DMD: variants seen among roughly 807,000 people sequenced by gnomAD.
DMD encodes mutant dystrophin.
Under a neutral mutation model 330.1 loss-of-function variants are expected in DMD, and 63 were observed. The observed-to-expected ratio is 0.19, with a 90% CI of 0.16 to 0.24. The LOEUF (loss-of-function observed/expected upper bound fraction) is 0.24. DMD is among the 10% of genes least tolerant of loss of function. DMD has a pLI of 1.00. For missense variants in DMD, 3,344 were observed against 2,684.1 expected (o/e 1.25, Z -5.43); for synonymous variants, 1,223 against 959.8 (o/e 1.27, Z -5.07).
intron 7 of DMD, among the ~76,000 whole-genome samples, chrX:32,752,811 C>T (rs1372909209): frequency 1.8e-5 from 2 of 109,725 alleles, no homozygotes; most frequent in Admixed American, 9.8e-5. Context: ...GTGAAAGTCT[C>T]ACGAGATCTG....
chrX:32,835,140 T>G (rs2079503811), intron 4 of DMD, among the ~76,000 whole-genome samples: 1 of 111,858 alleles, frequency 8.9e-6, no homozygotes. Flanking sequence ...CAAGGAAAGT[T>G]TAAATTACCC....
At chrX:31,627,588 C>T in intron 55 of DMD, 85 bp downstream of exon 55, 8 of 1,039,209 alleles carry the variant, frequency 7.7e-6, no homozygotes, top group South Asian at 2.0e-5. Flanking sequence ...TTTGTTTTGT[C>T]CCTGGCTTGT....
intron 44 of DMD, among the ~76,000 whole-genome samples, chrX:32,164,784 G>T (rs745897174): frequency 1.1e-5 from 1 of 94,153 alleles, no homozygotes; most frequent in Non-Finnish European, 2.0e-5. Flanking sequence ...AAATGGTTTC[G>T]TGGACCAGGT....
chrX:31,180,661 C>T lies in DMD; in HGVS notation c.9975-180G>A, dbSNP rs141819499. ...TTTTTCCGGTGCCTCTCCTACAGTA[C>T]CAAAACATTTTGGCAGAAAGATTAT... On this transcript the variant is annotated intron_variant, in intron 68 of 78. Coordinates refer to ENST00000357033, the MANE Select transcript of DMD (RefSeq NM_004006.3). Among the ~76,000 whole-genome samples the T allele has an allele frequency of 4.3e-3, 475 of 111,429 alleles. 1 individual carries two copies. Among genetic ancestry groups the T allele is most frequent in the African/African-American group, 0.015 (449 of 30,655 alleles).
chrX:31,430,793 C>CTTTT lies in DMD; in HGVS notation c.9084+13684_9084+13687dup, dbSNP rs565087970. Among the ~76,000 whole-genome samples the CTTTT allele has an allele frequency of 3.7e-4, 18 of 48,336 alleles. 1 individual carries two copies. The highest frequency in any genetic ancestry group is 5.7e-4 in the Non-Finnish European group (16 of 28,192). 42.0% of individuals were successfully genotyped at this position (48,336 alleles called of 115,157 possible). A position where few individuals can be genotyped will look rare whatever the true frequency, so the allele number is the denominator to read the frequency against. On this transcript the variant is annotated intron_variant, in intron 60 of 78. Transcript: ENST00000357033. ...TGACTTGTTTGAAGCAAGTTAAGGT[C>CTTTT]TTTTTTTTTTTTTTTTTTTTTTTTT...
intron 7 of DMD, among the ~76,000 whole-genome samples, chrX:32,714,258 G>A (rs909105300): frequency 4.5e-5 from 5 of 111,072 alleles, no homozygotes; most frequent in African/African-American, 1.3e-4. Context: ...GGCTTTTAGT[G>A]TACCCATCAC....
chrX:33,217,786 A>G (rs375082247), intron 1 of DMD, among the ~76,000 whole-genome samples: 36 of 111,622 alleles, frequency 3.2e-4, no homozygotes, highest in African/African-American at 1.1e-3. Flanking sequence ...TTATAAGTTG[A>G]TCTTGTATCC....
At chrX:31,853,746 C>G (rs2093568912) in intron 48 of DMD, among the ~76,000 whole-genome samples, 1 of 111,387 alleles carries the variant, frequency 9.0e-6, no homozygotes, top group Admixed American at 9.5e-5. Flanking sequence ...GTAAATTACA[C>G]CTTGGTTAGG....
chrX:31,201,999 C>T (rs1428630896), intron 67 of DMD, among the ~76,000 whole-genome samples: 1 of 110,953 alleles, frequency 9.0e-6, no homozygotes, highest in African/African-American at 3.3e-5. Flanking sequence ...TTGAGCTCAG[C>T]CTGGCCAACA....
intron 1 of DMD, among the ~76,000 whole-genome samples, chrX:33,045,641 G>A (rs748917192): frequency 3.7e-4 from 40 of 109,143 alleles, no homozygotes; most frequent in African/African-American, 1.1e-3. Flanking sequence ...GAAGCCGTGT[G>A]GGGGTGTGGG....
chrX:32,633,013 T>G (rs1219147307), intron 11 of DMD, among the ~76,000 whole-genome samples: 1 of 112,479 alleles, frequency 8.9e-6, no homozygotes, highest in South Asian at 3.7e-4. Flanking sequence ...CTACCACATA[T>G]CCATGTTGCA....
At chrX:33,338,945 A>AT (rs1017978165) in intron 1 of DMD, among the ~76,000 whole-genome samples, 5 of 110,976 alleles carry the variant, frequency 4.5e-5, no homozygotes, top group African/African-American at 1.6e-4. Flanking sequence ...TTCCCCGAAG[A>AT]TTTTTTTCCC....
chrX:32,048,477 T>C (rs1251270430), intron 44 of DMD, among the ~76,000 whole-genome samples: 1 of 109,337 alleles, frequency 9.1e-6, no homozygotes. Flanking sequence ...TAGTTCCTTA[T>C]CCTGACTCAT....
At chrX:32,015,216 A>T (rs1281071052) in intron 44 of DMD, among the ~76,000 whole-genome samples, 2 of 111,912 alleles carry the variant, frequency 1.8e-5, no homozygotes, top group Non-Finnish European at 3.8e-5. Context: ...GCTGAGAACC[A>T]ACAGTTCGAT....
At position 31,555,037 on chromosome X, in the gene DMD, A is replaced by T. The variant is rs958856065; in HGVS notation, c.8218-47584T>A. On this transcript the variant is annotated intron_variant, in intron 55 of 78. Coordinates refer to ENST00000357033, the MANE Select transcript of DMD (RefSeq NM_004006.3). ...TGATGGAGGGCCAGAAGCAAGAAACAAAGATATTTTATTTGATTGTAGAGT... is the reference window on the plus strand; with the variant it reads ...TGATGGAGGGCCAGAAGCAAGAAACTAAGATATTTTATTTGATTGTAGAGT... Among the ~76,000 whole-genome samples, 6 of 112,000 alleles carry T rather than the reference A, an allele frequency of 5.4e-5. No homozygotes were observed. The East Asian group carries it at 1.1e-3, about 21-fold the overall frequency.
chrX:32,045,473 G>C (rs2096058064), intron 44 of DMD, among the ~76,000 whole-genome samples: 1 of 109,463 alleles, frequency 9.1e-6, no homozygotes, highest in Non-Finnish European at 1.9e-5. Flanking sequence ...AAGCTGAGTA[G>C]ATGCTGGTGT....
chrX:32,236,769 T>A (rs1486577735), intron 43 of DMD, among the ~76,000 whole-genome samples: 1 of 112,118 alleles, frequency 8.9e-6, no homozygotes. Flanking sequence ...CATGTATGTC[T>A]TTATCAGCAG....
At chrX:31,215,549 G>T (rs1243056509) in intron 64 of DMD, among the ~76,000 whole-genome samples, 1 of 111,878 alleles carries the variant, frequency 8.9e-6, no homozygotes, top group Non-Finnish European at 1.9e-5. Flanking sequence ...GGACATATCT[G>T]TTATTAATCA....
At chrX:32,529,650 G>A (rs2047299193) in intron 17 of DMD, among the ~76,000 whole-genome samples, 2 of 110,459 alleles carry the variant, frequency 1.8e-5, no homozygotes, top group African/African-American at 3.3e-5. Context: ...AATTAAAGAG[G>A]TTTTGACCCA....
Sources: allele counts gnomAD v4.1 joint callset (sites outside exome capture counted in the v4.1 genomes callset), GRCh38; gene constraint gnomAD v4.1.1; transcripts MANE v1.5; gene names NCBI Gene and HGNC (gene_info 2026-07-23, HGNC 2026-07-21).